The following BIRC6 variants were observed in gnomAD, a reference collection of about 807,000 sequenced individuals.
The protein encoded by BIRC6 is baculoviral IAP repeat containing 6, also known as dual E2 ubiquitin-conjugating enzyme/E3 ubiquitin-protein ligase BIRC6.
BIRC6 carries 98 observed loss-of-function variants against 503.3 expected under a neutral mutation model. That is an observed-to-expected ratio of 0.19 (90% confidence interval 0.17 to 0.23). The LOEUF (loss-of-function observed/expected upper bound fraction) is 0.23, where lower values mean the gene tolerates loss of function less well. Among genes scored for constraint, BIRC6 ranks in the 10% least tolerant of loss-of-function variants. BIRC6 has a pLI of 1.00. For missense variants in BIRC6, 5,360 were observed against 5,806.0 expected, an observed-to-expected ratio of 0.92 and a Z score of 2.50; for synonymous variants, 2,240 against 2,078.7, an observed-to-expected ratio of 1.08 and a Z score of -2.11.
intron 23 of BIRC6, 60 bp downstream of exon 23, chr2:32,454,002 T>G: frequency 7.9e-7 from 1 of 1,266,432 alleles, no homozygotes; most frequent in Non-Finnish European, 1.1e-6. Flanking sequence ...TAAAGTGATA[T>G]TTATATATTT....
Position 32,508,275 on chromosome 2 carries a change from C to CTTTTTT in BIRC6, c.9980+16_9980+17insTTTTTT. 8 of 577,744 alleles carry CTTTTTT rather than the reference C, an allele frequency of 1.4e-5. No homozygotes were observed. Among genetic ancestry groups the CTTTTTT allele is most frequent in the South Asian group, 5.5e-5 (1 of 18,138 alleles). 35.8% of individuals were successfully genotyped at this position (577,744 alleles called of 1,614,324 possible). ...CCAAAACAAGGTATGTTTTGTTTGT[C>CTTTTTT]CTTTTTTTTTTTTTTTTTTTTTTTT... On this transcript the variant is annotated intron_variant, in intron 51 of 73. Coordinates refer to ENST00000421745, the MANE Select transcript of BIRC6 (RefSeq NM_016252.4).
chr2:32,484,917 T>C (rs950662982), intron 39 of BIRC6, among the ~76,000 whole-genome samples: 1 of 152,212 alleles, frequency 6.6e-6, no homozygotes, highest in Non-Finnish European at 1.5e-5. Context: ...TGTTTTTTGA[T>C]GTTCAGATTG....
chr2:32,424,513 CA>C (rs2147772190), intron 10 of BIRC6, among the ~76,000 whole-genome samples: 1 of 150,626 alleles, frequency 6.6e-6, no homozygotes, highest in Admixed American at 6.6e-5. Flanking sequence ...ATTCTATGTT[CA>C]ACCCTTTTTT....
chr2:32,508,652 T>G (rs1235028988), intron 51 of BIRC6, among the ~76,000 whole-genome samples: 2 of 152,184 alleles, frequency 1.3e-5, no homozygotes, highest in Non-Finnish European at 2.9e-5. Context: ...TGGTAATTCC[T>G]AAATGTTAGT....
intron 65 of BIRC6, among the ~76,000 whole-genome samples, chr2:32,561,643 T>C (rs1422090474): frequency 6.6e-6 from 1 of 151,136 alleles, no homozygotes. Context: ...ATATTCAAGG[T>C]TTTTTTTGAA....
At position 32,357,201 on chromosome 2, in the gene BIRC6, A is replaced by G; in HGVS notation, c.40A>G (p.Thr14Ala). The change falls in exon 1 of 74, where the codon ACT (threonine) becomes GCT (alanine). Residue 14 changes from threonine to alanine, a missense_variant. Physicochemically the swap from Thr to Ala is moderately conservative, Grantham distance 58. Transcript: ENST00000421745. The surrounding 1 kb of genome is among the most constrained non-coding windows in gnomAD (Gnocchi z 4.9). ...TGGTGCTGCACCTCCCGGGACTGTC[A>G]CTGAGCCGCTTCCCAGTGTGATTGT... ...GGGAAPPGTV[T>A]EPLPSVIVLS... is the part of the protein sequence containing the mutation. The G allele has an allele frequency of 6.5e-7, 1 of 1,540,558 alleles. No individual in the cohort carries two copies. Among genetic ancestry groups the G allele is most frequent in the Non-Finnish European group, 8.7e-7 (1 of 1,149,568 alleles).
chr2:32,376,185 CA>C (rs35262687), intron 1 of BIRC6, among the ~76,000 whole-genome samples: 59,767 of 106,040 alleles, frequency 0.56, 13,564 homozygotes, highest in East Asian at 0.67. Flanking sequence ...GACTCGGTCT[CA>C]AAAAAAAAAA....
intron 9 of BIRC6, among the ~76,000 whole-genome samples, 177 bp from the exon 10 acceptor site, chr2:32,414,592 G>C (rs777953051): frequency 6.6e-6 from 1 of 152,092 alleles, no homozygotes; most frequent in Non-Finnish European, 1.5e-5. Flanking sequence ...ACTTGAACCT[G>C]GGATTCAGAG....
In BIRC6 at chr2:32,436,084, T is replaced by G; in HGVS notation, c.3531T>G (p.His1177Gln). The G allele has an allele frequency of 6.9e-7, 1 of 1,459,690 alleles. No homozygotes were observed. The highest frequency in any genetic ancestry group is 2.5e-5 in the East Asian group (1 of 39,882). 90.4% of individuals were successfully genotyped at this position (1,459,690 alleles called of 1,614,324 possible). A position where few individuals can be genotyped will look rare whatever the true frequency, so the allele number is the denominator to read the frequency against. Residue 1177 changes from histidine (H) to glutamine (Q), a missense_variant, in exon 15 of 74, where the codon CAT becomes CAG. Transcript: ENST00000421745. ...GATTATGTCCATTTTTGGAGGATCA[T>G]AAAGAAGACATTCTATGTGGGCCAG... ...CLRLCPFLED[H>Q]KEDILCGPVW...
intron 62 of BIRC6, 89 bp from the exon 63 acceptor site, chr2:32,545,550 TACAG>T: frequency 9.7e-7 from 1 of 1,030,736 alleles, no homozygotes; most frequent in East Asian, 2.4e-5. Flanking sequence ...ACTTTTGTAT[TACAG>T]TGTCATTATT....
chr2:32,422,912 C>G (rs60405498), intron 10 of BIRC6, among the ~76,000 whole-genome samples: 73 of 151,986 alleles, frequency 4.8e-4, no homozygotes, highest in African/African-American at 1.8e-3. Flanking sequence ...TGTGTAAGTT[C>G]CTTGGTGCAC....
chr2:32,485,152 G>A (rs372167610), intron 39 of BIRC6, among the ~76,000 whole-genome samples: 18 of 152,020 alleles, frequency 1.2e-4, no homozygotes, highest in African/African-American at 4.1e-4. Flanking sequence ...GCTATTTTGG[G>A]ACTGTTTTCA....
chr2:32,529,511 G>T (rs1228546546), intron 59 of BIRC6, 140 bp from the exon 60 acceptor site: 3 of 689,754 alleles, frequency 4.3e-6, no homozygotes, highest in East Asian at 6.0e-5. Context: ...ACTTTCCAAT[G>T]GCTGTTGAAT....
At position 32,439,572 on chromosome 2, in the gene BIRC6, A is replaced by G. The variant is rs1436702931; in HGVS notation, c.3696A>G (p.Thr1232=). Residue 1232 remains threonine, a synonymous_variant, in exon 16 of 74, where the codon ACA becomes ACG. Coordinates refer to ENST00000421745, the MANE Select transcript of BIRC6 (RefSeq NM_016252.4). ...TCAAGGCAGTGAATGAAAGAGGAAC[A>G]GAAGAGATTTGTAATGGTGGTATGC... The part of the protein sequence containing the change: ...IHVKAVNERG[T]EEICNGGMRP... 1.9e-6 allele frequency: 3 copies of G among 1,613,836 alleles called. No homozygotes were observed. The highest frequency in any genetic ancestry group is 2.5e-6 in the Non-Finnish European group (3 of 1,179,856).
intron 23 of BIRC6, among the ~76,000 whole-genome samples, chr2:32,458,051 T>A (rs985404606): frequency 6.6e-6 from 1 of 152,182 alleles, no homozygotes; most frequent in African/African-American, 2.4e-5. Context: ...AATATAGAAT[T>A]CTATAGGGAT....
chr2:32,522,026 G>A (rs1359260745), intron 57 of BIRC6: 6 of 151,610 alleles, frequency 4.0e-5, no homozygotes, highest in Non-Finnish European at 8.8e-5. Flanking sequence ...TACTTATTAG[G>A]CTGTATGAAG....
chr2:32,607,975 C>CAAAAAAAAA (rs35242178), intron 72 of BIRC6, among the ~76,000 whole-genome samples: 1 of 51,916 alleles, frequency 1.9e-5, no homozygotes, highest in African/African-American at 8.4e-5. Flanking sequence ...ACTCCATCTC[C>CAAAAAAAAA]AAAAAAAAAA....
At chr2:32,419,599 AG>A (rs1349899136) in intron 10 of BIRC6, among the ~76,000 whole-genome samples, 1 of 152,190 alleles carries the variant, frequency 6.6e-6, no homozygotes, top group African/African-American at 2.4e-5. Context: ...AGTATAAGAT[AG>A]GGTGCAGTTA....
intron 44 of BIRC6, among the ~76,000 whole-genome samples, chr2:32,493,238 A>G (rs2051975980): frequency 1.3e-5 from 2 of 152,066 alleles, no homozygotes; most frequent in Non-Finnish European, 1.5e-5. Context: ...AAAAAGCATT[A>G]TAAAAGTATT....
Sources: gnomAD v4.1 joint callset for allele counts (sites outside exome capture counted in the v4.1 genomes callset) on GRCh38, gnomAD v4.1.1 for gene constraint, Gnocchi (gnomAD v3.1) non-coding constraint, MANE v1.5 for transcripts, NCBI Gene and HGNC (gene_info 2026-07-23, HGNC 2026-07-21) for gene names.